COL18A1: variants seen among roughly 807,000 people sequenced by gnomAD.
The protein encoded by COL18A1 is collagen type XVIII alpha 1 chain.
Under a neutral mutation model 168.0 loss-of-function variants are expected in COL18A1, and 133 were observed. The observed-to-expected ratio is 0.79, with a 90% CI of 0.69 to 0.91. The LOEUF is 0.91. Among genes scored for constraint, COL18A1 ranks in the 40% least tolerant of loss-of-function variants. COL18A1 has a pLI of 0.00. For synonymous variants in COL18A1, 949 were observed against 809.0 expected (o/e 1.17, Z -2.94); for missense variants, 2,126 against 1,925.4 (o/e 1.10, Z -1.95).
chr21:45,408,730 G>A (rs1050844947), intron 2 of COL18A1, among the ~76,000 whole-genome samples: 5 of 152,154 alleles, frequency 3.3e-5, no homozygotes, highest in East Asian at 3.9e-4. Flanking sequence ...TCCCACCCCC[G>A]CTCACTGTGT....
In COL18A1 at chr21:45,505,217, G is replaced by GGGCCCTCCC. The variant is rs760640619; in HGVS notation, c.2958_2966dup (p.Gly994_Pro996dup). On this transcript the variant is annotated inframe_insertion, in exon 35 of 42. Coordinates refer to ENST00000651438, the MANE Select transcript of COL18A1 (RefSeq NM_001379500.1). ...CCGGCATCGGCTACGAGGGGCGCCAGGGCCCTCCCGGCCCCCCAGGCCCCC... is the reference window on the plus strand; with the variant it reads ...CCGGCATCGGCTACGAGGGGCGCCAGGGCCCTCCCGGCCCTCCCGGCCCCCCAGGCCCCC... 1.3e-5 allele frequency: 21 copies of GGGCCCTCCC among 1,597,152 alleles called. No homozygotes were observed. Among genetic ancestry groups the GGGCCCTCCC allele is most frequent in the Admixed American group, 6.8e-5 (4 of 58,554 alleles).
chr21:45,472,850 TGC>T (rs1322729090), intron 3 of COL18A1, among the ~76,000 whole-genome samples: 1 of 151,910 alleles, frequency 6.6e-6, no homozygotes, highest in African/African-American at 2.4e-5. Flanking sequence ...ATCTCATGTT[TGC>T]ACACATGTGT....
At chr21:45,479,675 C>T (rs2035824084) in intron 9 of COL18A1, among the ~76,000 whole-genome samples, 1 of 152,166 alleles carries the variant, frequency 6.6e-6, no homozygotes, top group South Asian at 2.1e-4. Context: ...CTGCTGTGAC[C>T]TCCCGAGGGA....
rs1246250700 is a variant in COL18A1, at chr21:45,512,191, C to T, written c.3813C>T (p.Pro1271=). The change falls in exon 42 of 42, where the codon CCC becomes CCT. Residue 1271 remains proline, a synonymous_variant. Coordinates refer to ENST00000651438, the MANE Select transcript of COL18A1 (RefSeq NM_001379500.1). ...GKDVLRHPTW[P]QKSVWHGSDP... The stretch of plus-strand genomic sequence containing the variant: ...GACGGCCCGGCGCGTCTTACAGGCC[C>T]CAGAAGAGCGTGTGGCATGGCTCGG... The T allele has an allele frequency of 1.2e-6, 2 of 1,612,002 alleles. No individual in the cohort carries two copies.
chr21:45,439,320 C>A (rs548257561), intron 2 of COL18A1, among the ~76,000 whole-genome samples: 27 of 152,330 alleles, frequency 1.8e-4, no homozygotes, highest in African/African-American at 4.3e-4. Context: ...CGTTCCGTTT[C>A]GGCTCCTCTG....
chr21:45,453,794 C>T (rs1477525976), intron 2 of COL18A1, among the ~76,000 whole-genome samples: 1 of 152,130 alleles, frequency 6.6e-6, no homozygotes, highest in Non-Finnish European at 1.5e-5. Flanking sequence ...CCCCGAGGGC[C>T]GGAGCTGCTC....
At position 45,477,732 on chromosome 21, in the gene COL18A1, T is replaced by G; in HGVS notation, c.1006-18T>G. 1 of 1,525,168 alleles carries G rather than the reference T, an allele frequency of 6.6e-7. No homozygotes were observed. The highest frequency in any genetic ancestry group is 8.8e-7 in the Non-Finnish European group (1 of 1,135,222). The allele number at this position is 1,525,168 out of a possible 1,614,324, so 94.5% of individuals were successfully genotyped here. A position where few individuals can be genotyped will look rare whatever the true frequency, so the allele number is the denominator to read the frequency against. Reference sequence around the variant, plus strand: ...GGGCCCCACCCCAGCCCGAGCCCTGTGTTCTGTTTATTCCCAGGGCGGCCT... The same window carrying G: ...GGGCCCCACCCCAGCCCGAGCCCTGGGTTCTGTTTATTCCCAGGGCGGCCT... On this transcript the variant is annotated intron_variant, in intron 7 of 41. Transcript: ENST00000651438.
Position 45,509,378 on chromosome 21 carries a change from AG to A in COL18A1, c.3273del (p.Gln1091HisfsTer160). 6.5e-7 allele frequency: 1 copy of A among 1,543,074 alleles called. No homozygotes were observed. The highest frequency in any genetic ancestry group is 8.7e-7 in the Non-Finnish European group (1 of 1,144,610). On this transcript the variant is annotated frameshift_variant, in exon 39 of 42. Coordinates refer to ENST00000651438, the MANE Select transcript of COL18A1 (RefSeq NM_001379500.1). LOFTEE classifies it high-confidence loss of function. ...RGTDNEVAAL[Q>X]PPVVQLHDSN... ...CAGGACAATGAAGTGGCCGCCTTGC[AG>A]CCCCCCGTGGTGCAGCTGCACGACA... is the stretch of plus-strand genomic sequence containing the variant.
intron 2 of COL18A1, among the ~76,000 whole-genome samples, chr21:45,459,590 G>A (rs969161014): frequency 6.6e-6 from 1 of 152,236 alleles, no homozygotes; most frequent in Non-Finnish European, 1.5e-5. Context: ...GCCGTGCTGG[G>A]GCGTGGGGGG....
At chr21:45,474,294 T>C (rs61586023) in intron 4 of COL18A1, among the ~76,000 whole-genome samples, 1 of 146,836 alleles carries the variant, frequency 6.8e-6, no homozygotes, top group African/African-American at 2.7e-5. Context: ...CTCTGTGTCT[T>C]GTGTGGTGTG....
intron 33 of COL18A1, 150 bp downstream of exon 33, chr21:45,504,204 C>A: frequency 1.0e-6 from 1 of 989,470 alleles, no homozygotes; most frequent in Non-Finnish European, 1.6e-6. Context: ...CGAGGGCGTC[C>A]CTCAGGATGT....
intron 7 of COL18A1, 45 bp downstream of exon 7, chr21:45,477,532 A>T: frequency 6.5e-7 from 1 of 1,549,960 alleles, no homozygotes; most frequent in Non-Finnish European, 8.8e-7. Flanking sequence ...GAACCAGAGC[A>T]CCTGTGGCCT....
intron 2 of COL18A1, among the ~76,000 whole-genome samples, chr21:45,422,075 T>A (rs1468355782): frequency 1.3e-5 from 2 of 151,560 alleles, no homozygotes; most frequent in Non-Finnish European, 2.9e-5. Context: ...CAGGTTCACA[T>A]ATACACAGCT....
At chr21:45,494,964 T>C (rs748740155) in intron 28 of COL18A1, 49 bp downstream of exon 28, 1 of 1,540,474 alleles carries the variant, frequency 6.5e-7, no homozygotes, top group East Asian at 2.3e-5. Flanking sequence ...GTCTGGCAGG[T>C]GGGGAGCAGC....
intron 2 of COL18A1, among the ~76,000 whole-genome samples, chr21:45,411,759 C>CGGGGGGGGGGGGGGGG (rs1437966551): frequency 9.2e-4 from 7 of 7,570 alleles, no homozygotes; most frequent in African/African-American, 3.6e-3. Flanking sequence ...GGGCTGATGG[C>CGGGGGGGGGGGGGGGG]GGGGGGTGGG....
intron 2 of COL18A1, among the ~76,000 whole-genome samples, chr21:45,405,763 G>A (rs34513968): frequency 5.3e-5 from 8 of 150,930 alleles, no homozygotes; most frequent in African/African-American, 1.9e-4. Context: ...CGTCGGTGCC[G>A]GGAGGGCTCG....
rs1431125329 is a variant in COL18A1, at chr21:45,477,458, G to A, written c.976G>A (p.Val326Ile). Residue 326 changes from valine to isoleucine, a missense_variant, in exon 7 of 42, where the codon GTC becomes ATC. Transcript: ENST00000651438. The stretch of plus-strand genomic sequence containing the variant: ...TTCTGTCTCCACGTGGGACGGGAGT[G>A]TCCGGACCCCTGGGGGCCGCGTGAA... ...SDSVSTWDGS[V>I]RTPGGRVKEG... 2.5e-6 allele frequency: 4 copies of A among 1,612,744 alleles called. No individual in the cohort carries two copies. Among genetic ancestry groups the A allele is most frequent in the Non-Finnish European group, 3.4e-6 (4 of 1,179,490 alleles).
chr21:45,468,340 G>C lies in COL18A1; in HGVS notation c.205G>C (p.Val69Leu). 6.2e-7 allele frequency: 1 copy of C among 1,613,640 alleles called. No homozygotes were observed. The highest frequency in any genetic ancestry group is 8.5e-7 in the Non-Finnish European group (1 of 1,180,038). ...TGACCCCGACGTCGGGCTGGCCTAC[G>C]TCTTTGGGCCAGATGCCAACAGTGG... is the stretch of plus-strand genomic sequence containing the variant. ...TDDPDVGLAY[V>L]FGPDANSGQV... The change falls in exon 3 of 42, where the codon GTC becomes CTC. Residue 69 changes from valine to leucine, a missense_variant. Transcript: ENST00000651438.
Position 45,509,279 on chromosome 21 carries a change from C to T in COL18A1, c.3250-77C>T. ...TCAGAGCCCAGCCCCTCTCACCCAG[C>T]CCAGAGGAGGACACAGATGGAGGAG... On this transcript the variant is annotated intron_variant, in intron 38 of 41. Transcript: ENST00000651438. 9 of 1,526,470 alleles carry T rather than the reference C, an allele frequency of 5.9e-6. No individual in the cohort carries two copies. The South Asian group carries it at 1.1e-4, about 18-fold the overall frequency. 94.6% of individuals were successfully genotyped at this position (1,526,470 alleles called of 1,614,324 possible).
Sources: gnomAD v4.1 joint callset for allele counts (sites outside exome capture counted in the v4.1 genomes callset) on GRCh38, gnomAD v4.1.1 for gene constraint, MANE v1.5 for transcripts, NCBI Gene and HGNC (gene_info 2026-07-23, HGNC 2026-07-21) for gene names.